Variants in ANO6 observed in about 807,000 individuals in gnomAD.
ANO6 encodes anoctamin 6, also known as anoctamin-6.
ANO6 carries 106 observed loss-of-function variants against 117.5 expected under a neutral mutation model. The observed-to-expected ratio is 0.90, with a 90% confidence interval of 0.77 to 1.06. ANO6 has a LOEUF of 1.06. Among genes scored for constraint, ANO6 ranks in the 50% least tolerant of loss-of-function variants. ANO6 has a pLI of 0.00. For missense variants in ANO6, 955 were observed against 1,121.1 expected, an observed-to-expected ratio of 0.85 and a Z score of 2.12; for synonymous variants, 367 against 385.1, an observed-to-expected ratio of 0.95 and a Z score of 0.55.
chr12:45,428,572 A>G (rs1440534326), intron 19 of ANO6, among the ~76,000 whole-genome samples: 1 of 152,220 alleles, frequency 6.6e-6, no homozygotes, highest in Non-Finnish European at 1.5e-5. Flanking sequence ...CAGAGTGAGA[A>G]CCTGATCCAA....
chr12:45,402,313 A>G (rs746985086), intron 13 of ANO6, among the ~76,000 whole-genome samples: 1 of 152,230 alleles, frequency 6.6e-6, no homozygotes, highest in Non-Finnish European at 1.5e-5. Context: ...GAAAGTCAAT[A>G]GTCTCTTTAT....
chr12:45,330,840 G>T (rs1940637524), intron 2 of ANO6, among the ~76,000 whole-genome samples: 1 of 151,992 alleles, frequency 6.6e-6, no homozygotes, highest in African/African-American at 2.4e-5. Flanking sequence ...AGTCCAAAAA[G>T]AAGTCATGAA....
chr12:45,436,923 G>A (rs552109448), downstream of ANO6, among the ~76,000 whole-genome samples: 5 of 152,178 alleles, frequency 3.3e-5, no homozygotes, highest in African/African-American at 4.8e-5. Context: ...CTGAAATTGC[G>A]CCATTGCACT....
At chr12:45,339,243 G>C (rs1940911374) in intron 3 of ANO6, among the ~76,000 whole-genome samples, 1 of 152,064 alleles carries the variant, frequency 6.6e-6, no homozygotes, top group South Asian at 2.1e-4. Flanking sequence ...GTTAAAAATA[G>C]ATTGTCCAGG....
At chr12:45,397,249 A>C (rs1461215646) in intron 12 of ANO6, among the ~76,000 whole-genome samples, 1 of 152,348 alleles carries the variant, frequency 6.6e-6, no homozygotes, top group Non-Finnish European at 1.5e-5. Context: ...GCTCATCATC[A>C]TTGGTCATCA....
At chr12:45,227,692 T>C (rs1947505971) in intron 1 of ANO6, among the ~76,000 whole-genome samples, 1 of 152,168 alleles carries the variant, frequency 6.6e-6, no homozygotes, top group Admixed American at 6.5e-5. Context: ...TCTTTTCCCA[T>C]CAAACATTGC....
At chr12:45,228,324 A>C (rs1203801422) in intron 1 of ANO6, 1 of 186,650 alleles carries the variant, frequency 5.4e-6, no homozygotes, top group African/African-American at 5.4e-5. Flanking sequence ...TTTTATTATT[A>C]GAGATTGGTC....
intron 12 of ANO6, among the ~76,000 whole-genome samples, chr12:45,396,222 T>C (rs368375990): frequency 5.9e-5 from 9 of 152,288 alleles, no homozygotes; most frequent in Admixed American, 3.9e-4. Context: ...AGCCAAATCA[T>C]GAGTGAACTC....
At chr12:45,422,772 C>T (rs1943398683) in intron 18 of ANO6, among the ~76,000 whole-genome samples, 185 bp from the exon 19 acceptor site, 1 of 152,040 alleles carries the variant, frequency 6.6e-6, no homozygotes, top group African/African-American at 2.4e-5. Flanking sequence ...CGGGGTTTTA[C>T]CATAGTGGCC....
chr12:45,320,010 T>C lies in ANO6; in HGVS notation c.151-11285T>C, dbSNP rs190340629. Among the ~76,000 whole-genome samples the C allele has an allele frequency of 1.4e-4, 22 of 152,354 alleles. 1 individual carries two copies. In the East Asian group the frequency reaches 3.9e-3, roughly 27 times the overall value. On this transcript the variant is annotated intron_variant, in intron 2 of 19. Coordinates refer to ENST00000320560, the MANE Select transcript of ANO6 (RefSeq NM_001025356.3). ...GTGTCTATTTGATTCTTCTCTCTTT[T>C]ATTCCTTATTAGTCTTGCTAGCGGT...
intron 2 of ANO6, among the ~76,000 whole-genome samples, chr12:45,317,898 C>T (rs1940107933): frequency 6.6e-6 from 1 of 152,152 alleles, no homozygotes; most frequent in South Asian, 2.1e-4. Context: ...TTTCCTGTGT[C>T]TGTTGGCTGC....
At chr12:45,418,538 T>A (rs1943272188) in intron 17 of ANO6, among the ~76,000 whole-genome samples, 1 of 152,100 alleles carries the variant, frequency 6.6e-6, no homozygotes, top group African/African-American at 2.4e-5. Context: ...TTTAAGAAAA[T>A]TTTCAGCAAC....
intron 16 of ANO6, 103 bp from the exon 17 acceptor site, chr12:45,416,596 C>G: frequency 9.7e-7 from 1 of 1,031,342 alleles, no homozygotes; most frequent in South Asian, 1.3e-5. Flanking sequence ...TGTGTTTTCT[C>G]TCTGGGATTT....
At chr12:45,440,193 T>C (rs1943755149) in exon 20 of ANO6, 1 of 315,588 alleles carries the variant, frequency 3.2e-6, no homozygotes, top group Admixed American at 4.9e-5. Context: ...AATGCCTTCA[T>C]GCCATTTTAA....
At chr12:45,302,243 G>C in intron 2 of ANO6, 150 bp downstream of exon 2, 1 of 729,776 alleles carries the variant, frequency 1.4e-6, no homozygotes, top group Non-Finnish European at 2.4e-6. Flanking sequence ...CAGAGCTCTG[G>C]TGTCTCTTGG....
chr12:45,241,416 C>T (rs899888620), intron 1 of ANO6, among the ~76,000 whole-genome samples: 2 of 152,168 alleles, frequency 1.3e-5, no homozygotes, highest in Admixed American at 1.3e-4. Context: ...CATTTAAGGT[C>T]TTCTCTACAC....
intron 15 of ANO6, among the ~76,000 whole-genome samples, chr12:45,405,803 G>A (rs1962075): frequency 1.3e-5 from 2 of 152,112 alleles, no homozygotes; most frequent in South Asian, 4.2e-4. Context: ...AGCTACTCAG[G>A]AGGCTGAGGC....
chr12:45,259,265 T>G (rs1565650239), intron 1 of ANO6, among the ~76,000 whole-genome samples: 1 of 152,206 alleles, frequency 6.6e-6, no homozygotes, highest in African/African-American at 2.4e-5. Context: ...AACAGTATGC[T>G]TTTTCCTGGT....
chr12:45,396,295 G>GA (rs1299680654), intron 12 of ANO6, among the ~76,000 whole-genome samples: 2 of 152,108 alleles, frequency 1.3e-5, no homozygotes, highest in Non-Finnish European at 2.9e-5. Context: ...GGGATATGAA[G>GA]GACTTCTTCA....
Sources: gnomAD v4.1 joint callset for allele counts (sites outside exome capture counted in the v4.1 genomes callset) on GRCh38, gnomAD v4.1.1 for gene constraint, MANE v1.5 for transcripts, NCBI Gene and HGNC (gene_info 2026-07-23, HGNC 2026-07-21) for gene names.